TRPC4: variants seen among roughly 807,000 people sequenced by gnomAD.
TRPC4 encodes short transient receptor potential channel 4.
A neutral mutation model predicts 99.4 loss-of-function variants in TRPC4; 49 were observed. The ratio of observed to expected loss-of-function variants is 0.49; its 90% CI spans 0.39 to 0.63. The LOEUF is 0.63. Ranked by LOEUF, TRPC4 falls within the 20% of genes least tolerant of loss-of-function variation. TRPC4 has a pLI of 0.00. For synonymous variants in TRPC4, 454 were observed against 425.9 expected (o/e 1.07, Z -0.81); for missense variants, 898 against 1,152.9 (o/e 0.78, Z 3.20).
Position 37,691,983 on chromosome 13 carries a change from A to T in TRPC4, c.1234+16T>A, listed in dbSNP as rs751255401. The T allele has an allele frequency of 1.3e-6, 2 of 1,591,174 alleles. No homozygotes were observed. Among genetic ancestry groups the T allele is most frequent in the Non-Finnish European group, 1.7e-6 (2 of 1,166,700 alleles). ...GTAACATGTTTTTATTATATTTTCTATAGTAACACATTTACCCAGGACCCA... is the reference window on the plus strand; with the variant it reads ...GTAACATGTTTTTATTATATTTTCTTTAGTAACACATTTACCCAGGACCCA... On this transcript the variant is annotated intron_variant, in intron 4 of 10. Coordinates refer to ENST00000379705, the MANE Select transcript of TRPC4 (RefSeq NM_016179.4).
chr13:37,653,154 C>T (rs1043847291), intron 7 of TRPC4, among the ~76,000 whole-genome samples: 8 of 152,092 alleles, frequency 5.3e-5, no homozygotes, highest in African/African-American at 1.9e-4. Flanking sequence ...TTATTTATTG[C>T]TTTTTATCTC....
At chr13:37,653,532 GC>G (rs774307826) in intron 7 of TRPC4, among the ~76,000 whole-genome samples, 2 of 152,090 alleles carry the variant, frequency 1.3e-5, no homozygotes, top group East Asian at 1.9e-4. Flanking sequence ...GCATGTTCGT[GC>G]CCCCAAGGAG....
chr13:37,821,740 T>C (rs1050022099), intron 1 of TRPC4, among the ~76,000 whole-genome samples: 2 of 152,192 alleles, frequency 1.3e-5, no homozygotes, highest in African/African-American at 4.8e-5. Context: ...TAAATGATGC[T>C]GGGATAACTG....
intron 1 of TRPC4, among the ~76,000 whole-genome samples, chr13:37,860,744 A>C (rs1288561853): frequency 6.6e-6 from 1 of 151,514 alleles, no homozygotes; most frequent in East Asian, 1.9e-4. Context: ...AGGGAATGTG[A>C]ATTCATATAC....
intron 2 of TRPC4, among the ~76,000 whole-genome samples, chr13:37,751,155 A>G (rs1246609435): frequency 3.9e-5 from 6 of 151,990 alleles, no homozygotes; most frequent in East Asian, 1.9e-4. Flanking sequence ...AAGAGCAAGC[A>G]GAGAGGATGG....
Position 37,632,220 on chromosome 13 carries a change from T to C in TRPC4, c.*4683A>G, listed in dbSNP as rs1415756143. 2.0e-5 allele frequency among the ~76,000 whole-genome samples: 3 copies of C among 152,226 alleles called. No individual in the cohort carries two copies. Among genetic ancestry groups the C allele is most frequent in the African/African-American group, 4.8e-5 (2 of 41,472 alleles). Reference sequence around the variant, plus strand: ...GCAGCACTGTCCAATAGAAATGTATTGCAAGGCACAAATGCAAGCCACATA... The same window carrying C: ...GCAGCACTGTCCAATAGAAATGTATCGCAAGGCACAAATGCAAGCCACATA... On this transcript the variant is annotated 3_prime_UTR_variant, in exon 11 of 11. Coordinates refer to ENST00000379705, the MANE Select transcript of TRPC4 (RefSeq NM_016179.4).
At chr13:37,743,950 A>T (rs1421483541) in intron 3 of TRPC4, among the ~76,000 whole-genome samples, 1 of 152,176 alleles carries the variant, frequency 6.6e-6, no homozygotes, top group East Asian at 1.9e-4. Context: ...GCAGGCAAAA[A>T]ATAAATCTGA....
At position 37,841,508 on chromosome 13, in the gene TRPC4, T is replaced by C. The variant is rs817616; in HGVS notation, c.-28+28087A>G. Reference sequence around the variant, plus strand: ...ATGTACAAATCCCATATCTAATAAATAGCTAATATCTAGGATGCATAAAGA... The same window carrying C: ...ATGTACAAATCCCATATCTAATAAACAGCTAATATCTAGGATGCATAAAGA... On this transcript the variant is annotated intron_variant, in intron 1 of 10. Coordinates refer to ENST00000379705, the MANE Select transcript of TRPC4 (RefSeq NM_016179.4). Among the ~76,000 whole-genome samples, 1,142 of 151,570 alleles carry C rather than the reference T, an allele frequency of 7.5e-3. 13 individuals carry two copies. The highest frequency in any genetic ancestry group is 0.027 in the African/African-American group (1,097 of 41,308).
chr13:37,836,914 TG>T (rs1958581599), intron 1 of TRPC4, among the ~76,000 whole-genome samples: 1 of 152,174 alleles, frequency 6.6e-6, no homozygotes, highest in Non-Finnish European at 1.5e-5. Flanking sequence ...AGTGGTTTAA[TG>T]GGCCAGGCCC....
chr13:37,736,833 A>C (rs892574192), intron 3 of TRPC4, among the ~76,000 whole-genome samples: 4 of 151,054 alleles, frequency 2.6e-5, no homozygotes, highest in African/African-American at 9.7e-5. Context: ...GGCTCAATTG[A>C]TCCTCCCATC....
At chr13:37,852,348 C>T (rs1473738848) in intron 1 of TRPC4, among the ~76,000 whole-genome samples, 2 of 152,178 alleles carry the variant, frequency 1.3e-5, no homozygotes, top group Non-Finnish European at 2.9e-5. Flanking sequence ...CTCCAGATAA[C>T]ATTTCTAGAC....
rs1198965020 is a variant in TRPC4, at chr13:37,704,304, G to C, written c.898-11969C>G. Among the ~76,000 whole-genome samples, 5 of 152,226 alleles carry C rather than the reference G, an allele frequency of 3.3e-5. No homozygotes were observed. The East Asian group carries it at 9.7e-4, about 29-fold the overall frequency. On this transcript the variant is annotated intron_variant, in intron 3 of 10. Transcript: ENST00000379705. ...TCTTAATTTGTTTATGTTTTCACAG[G>C]TGTATACATTTTACAAAAACTTACC...
At chr13:37,668,217 T>C (rs544875792) in intron 5 of TRPC4, among the ~76,000 whole-genome samples, 1 of 152,354 alleles carries the variant, frequency 6.6e-6, no homozygotes, top group South Asian at 2.1e-4. Flanking sequence ...GTTTTCAGTC[T>C]GTATGTACCC....
chr13:37,754,033 G>T (rs1181689814), intron 2 of TRPC4, among the ~76,000 whole-genome samples: 1 of 152,054 alleles, frequency 6.6e-6, no homozygotes, highest in Non-Finnish European at 1.5e-5. Context: ...CAGGGACTCT[G>T]GTTGACTGCA....
chr13:37,642,917 G>A (rs1951768569), intron 8 of TRPC4, among the ~76,000 whole-genome samples: 1 of 151,966 alleles, frequency 6.6e-6, no homozygotes, highest in African/African-American at 2.4e-5. Context: ...TTTTAATAGA[G>A]ACGGGGGTTT....
intron 3 of TRPC4, among the ~76,000 whole-genome samples, chr13:37,698,990 C>T (rs369733254): frequency 1.2e-4 from 19 of 152,200 alleles, no homozygotes; most frequent in African/African-American, 4.3e-4. Flanking sequence ...ATTTACCGTA[C>T]TTTGTATTAT....
chr13:37,847,046 T>A (rs1393718700), intron 1 of TRPC4, among the ~76,000 whole-genome samples: 1 of 151,842 alleles, frequency 6.6e-6, no homozygotes, highest in Non-Finnish European at 1.5e-5. Context: ...TCTGAGAACA[T>A]AAATACATAA....
intron 1 of TRPC4, among the ~76,000 whole-genome samples, chr13:37,825,604 G>T (rs1312890703): frequency 6.9e-6 from 1 of 145,598 alleles, no homozygotes; most frequent in Non-Finnish European, 1.5e-5. Context: ...TCTTAATCCT[G>T]AGTTCTAGTT....
At chr13:37,830,791 T>C (rs142084156) in intron 1 of TRPC4, among the ~76,000 whole-genome samples, 71 of 111,360 alleles carry the variant, frequency 6.4e-4, no homozygotes, top group African/African-American at 2.5e-3. Context: ...TAATATATAG[T>C]ATATATTTTT....
Sources: allele counts gnomAD v4.1 joint callset (sites outside exome capture counted in the v4.1 genomes callset), GRCh38; gene constraint gnomAD v4.1.1; transcripts MANE v1.5; gene names NCBI Gene and HGNC (gene_info 2026-07-23, HGNC 2026-07-21).